Variants in RETREG1 observed in about 807,000 individuals in gnomAD.
RETREG1 encodes the protein family with sequence similarity 134 member B.
Under a neutral mutation model 54.8 loss-of-function variants are expected in RETREG1, and 44 were observed. The ratio of observed to expected loss-of-function variants is 0.80; its 90% CI spans 0.63 to 1.03. The LOEUF (loss-of-function observed/expected upper bound fraction) is 1.03, where lower values mean the gene tolerates loss of function less well. Ranked by LOEUF, RETREG1 falls within the 50% of genes least tolerant of loss-of-function variation. The pLI is 0.00. For synonymous variants in RETREG1, 217 were observed against 238.5 expected (o/e 0.91, Z 0.83); for missense variants, 554 against 605.1 (o/e 0.92, Z 0.89).
intron 1 of RETREG1, among the ~76,000 whole-genome samples, chr5:16,600,303 C>A (rs1743017690): frequency 6.6e-6 from 1 of 152,170 alleles, no homozygotes; most frequent in African/African-American, 2.4e-5. Flanking sequence ...GCCCAGCCTA[C>A]AAATCTGTAT....
intron 1 of RETREG1, among the ~76,000 whole-genome samples, chr5:16,579,199 C>G (rs555316765): frequency 6.6e-6 from 1 of 152,294 alleles, no homozygotes; most frequent in East Asian, 1.9e-4. Context: ...CAGGACTGTT[C>G]TAAGAGCTTT....
intron 3 of RETREG1, among the ~76,000 whole-genome samples, chr5:16,525,557 CG>C (rs1053824974): frequency 6.6e-6 from 1 of 152,140 alleles, no homozygotes; most frequent in African/African-American, 2.4e-5. Flanking sequence ...CAGGCTTAAT[CG>C]GATGAGATGG....
At chr5:16,610,398 A>G (rs1743303348) in intron 1 of RETREG1, among the ~76,000 whole-genome samples, 1 of 152,196 alleles carries the variant, frequency 6.6e-6, no homozygotes, top group Non-Finnish European at 1.5e-5. Flanking sequence ...AGGCCTATGC[A>G]TGGACTTTTC....
At chr5:16,525,902 G>A (rs1221014786) in intron 3 of RETREG1, among the ~76,000 whole-genome samples, 1 of 152,186 alleles carries the variant, frequency 6.6e-6, no homozygotes, top group African/African-American at 2.4e-5. Context: ...TTGAGTCTGA[G>A]GGAAGTCTGC....
chr5:16,533,206 A>G (rs758771962), intron 3 of RETREG1, among the ~76,000 whole-genome samples: 13 of 151,964 alleles, frequency 8.6e-5, no homozygotes, highest in Non-Finnish European at 1.8e-4. Flanking sequence ...CACCACACCC[A>G]GCTAATTTTT....
intron 3 of RETREG1, among the ~76,000 whole-genome samples, chr5:16,538,860 A>G (rs1301946398): frequency 6.6e-6 from 1 of 152,156 alleles, no homozygotes; most frequent in Non-Finnish European, 1.5e-5. Flanking sequence ...GCCTGCCACA[A>G]TGCCCGGCTA....
chr5:16,476,955 A>T (rs1462638454), intron 8 of RETREG1, among the ~76,000 whole-genome samples: 2 of 152,168 alleles, frequency 1.3e-5, no homozygotes, highest in African/African-American at 4.8e-5. Flanking sequence ...CTTTGAAGAC[A>T]AATGTGAGAA....
chr5:16,579,313 A>G (rs181075246), intron 1 of RETREG1, among the ~76,000 whole-genome samples: 68 of 152,316 alleles, frequency 4.5e-4, no homozygotes, highest in African/African-American at 1.5e-3. Flanking sequence ...CAAGGCCCCA[A>G]GACAAAGGAG....
Position 16,478,883 on chromosome 5 carries a change from C to T in RETREG1, c.775G>A (p.Glu259Lys). The change falls in exon 6 of 9, where the codon GAA (glutamate) becomes AAA (lysine). Residue 259 changes from glutamate (E) to lysine (K), a missense_variant. Physicochemically the swap from Glu to Lys is moderately conservative, Grantham distance 56 (BLOSUM62 1). This residue lies in a region of RETREG1 where 347 missense variants were observed against 412.3 expected (regional missense o/e 0.84). Coordinates refer to ENST00000306320, the MANE Select transcript of RETREG1 (RefSeq NM_001034850.3). ...VLLKLDFGIG[E>K]YINQKKRERS... Reference sequence around the variant, plus strand: ...TCACGTTTCTTCTGATTAATATATTCTCCAATTCCAAAATCCAGTTTCAGC... The same window carrying T: ...TCACGTTTCTTCTGATTAATATATTTTCCAATTCCAAAATCCAGTTTCAGC... 1 of 1,612,334 alleles carries T rather than the reference C, an allele frequency of 6.2e-7. No homozygotes were observed. Among genetic ancestry groups the T allele is most frequent in the Non-Finnish European group, 8.5e-7 (1 of 1,178,896 alleles).
intron 3 of RETREG1, among the ~76,000 whole-genome samples, chr5:16,545,062 C>T (rs576584011): frequency 1.3e-5 from 2 of 152,220 alleles, no homozygotes; most frequent in Non-Finnish European, 2.9e-5. Context: ...TAAAAATAAG[C>T]TTTGAATAAC....
intron 3 of RETREG1, among the ~76,000 whole-genome samples, chr5:16,551,580 G>A (rs1231044569): frequency 1.3e-5 from 2 of 152,080 alleles, no homozygotes; most frequent in African/African-American, 4.8e-5. Context: ...TGTCACTCTA[G>A]CCCTCCTTGT....
chr5:16,545,638 C>T lies in RETREG1; in HGVS notation c.458+20125G>A, dbSNP rs116137489. On this transcript the variant is annotated intron_variant, in intron 3 of 8. Transcript: ENST00000306320. ...TTCCCTGGGTGCCCCTCACTTGACT[C>T]CAAGCTCCCTGTCAGCTTCCTTTGA... Among the ~76,000 whole-genome samples, 779 of 152,272 alleles carry T rather than the reference C, an allele frequency of 5.1e-3. 9 individuals are homozygous for T. Among genetic ancestry groups the T allele is most frequent in the African/African-American group, 0.018 (730 of 41,572 alleles).
At chr5:16,508,786 A>G in intron 3 of RETREG1, 1 of 1,476,378 alleles carries the variant, frequency 6.8e-7, no homozygotes, top group Non-Finnish European at 9.0e-7. Flanking sequence ...TTACTCAGAA[A>G]GTTGGTGTTT....
chr5:16,489,855 T>C (rs1739177716), intron 3 of RETREG1, among the ~76,000 whole-genome samples: 1 of 152,210 alleles, frequency 6.6e-6, no homozygotes, highest in Non-Finnish European at 1.5e-5. Context: ...GGGGATTGGA[T>C]ATATGAGGAG....
At chr5:16,521,236 T>C (rs1740523831) in intron 3 of RETREG1, among the ~76,000 whole-genome samples, 1 of 152,146 alleles carries the variant, frequency 6.6e-6, no homozygotes, top group South Asian at 2.1e-4. Flanking sequence ...TTCCTTCCCA[T>C]TCTTCTCCCC....
At chr5:16,611,259 T>C (rs1371772286) in intron 1 of RETREG1, among the ~76,000 whole-genome samples, 10 of 151,806 alleles carry the variant, frequency 6.6e-5, no homozygotes, top group African/African-American at 2.2e-4. Context: ...TGTCATGGGG[T>C]CGGGGGAGTG....
intron 3 of RETREG1, among the ~76,000 whole-genome samples, chr5:16,553,571 G>T (rs1304549758): frequency 6.6e-6 from 1 of 151,686 alleles, no homozygotes; most frequent in Non-Finnish European, 1.5e-5. Context: ...AATATATTTA[G>T]ATTTTGTTTA....
chr5:16,584,442 G>C (rs2447816), intron 1 of RETREG1, among the ~76,000 whole-genome samples: 22,197 of 151,960 alleles, frequency 0.15, 1,614 homozygotes, highest in African/African-American at 0.17. Context: ...TATAACTGTA[G>C]ACCTAGCCCT....
rs1282406733 is a variant in RETREG1, at chr5:16,473,604, C to T, written c.*1137G>A. ...TAAAGTTTATATCACAAAAACAAAA[C>T]TAGGTTGGTTTCAGCTCTTTAGTCC... On this transcript the variant is annotated 3_prime_UTR_variant, in exon 9 of 9. Transcript: ENST00000306320. The T allele has an allele frequency of 6.6e-6, 1 of 152,462 alleles. No homozygotes were observed. The highest frequency in any genetic ancestry group is 1.5e-5 in the Non-Finnish European group (1 of 67,964). The allele number at this position is 152,462 out of a possible 1,614,324, so 9.4% of individuals were successfully genotyped here. A position where few individuals can be genotyped will look rare whatever the true frequency, so the allele number is the denominator to read the frequency against.
Sources: gnomAD v4.1 joint callset for allele counts (sites outside exome capture counted in the v4.1 genomes callset) on GRCh38, gnomAD v4.1.1 for gene constraint, gnomAD v4.1.1 regional missense constraint, MANE v1.5 for transcripts, NCBI Gene and HGNC (gene_info 2026-07-23, HGNC 2026-07-21) for gene names.